Variants in RNF144A observed in about 807,000 individuals in gnomAD.
RNF144A encodes E3 ubiquitin-protein ligase RNF144A.
Under a neutral mutation model 38.7 loss-of-function variants are expected in RNF144A, and 11 were observed. That is an observed-to-expected ratio of 0.28 (90% CI 0.18 to 0.47). The LOEUF is 0.47. RNF144A is among the 20% of genes least tolerant of loss of function. RNF144A has a pLI of 0.99. For synonymous variants in RNF144A, 149 were observed against 143.9 expected (o/e 1.04, Z -0.25); for missense variants, 316 against 377.2 (o/e 0.84, Z 1.34).
intron 2 of RNF144A, among the ~76,000 whole-genome samples, chr2:6,989,077 T>C (rs533864121): frequency 5.3e-5 from 8 of 152,338 alleles, no homozygotes; most frequent in African/African-American, 1.9e-4. Flanking sequence ...AACATTGTGT[T>C]AGAATCAAGA....
At chr2:7,074,123 G>C in the RNF144A span, among the ~76,000 whole-genome samples, 1 of 152,218 alleles carries the variant, frequency 6.6e-6, no homozygotes, top group Non-Finnish European at 1.5e-5. Context: ...GAGGACACAT[G>C]AAACACATTA....
chr2:7,065,265 G>C (rs1182460860), intron 6 of RNF144A, among the ~76,000 whole-genome samples: 8 of 152,162 alleles, frequency 5.3e-5, no homozygotes, highest in Non-Finnish European at 7.3e-5. Flanking sequence ...CCAAATTCCT[G>C]GAGAAAAACT....
At chr2:7,004,162 C>T (rs1166664930) in intron 3 of RNF144A, among the ~76,000 whole-genome samples, 1 of 152,256 alleles carries the variant, frequency 6.6e-6, no homozygotes. Flanking sequence ...CTTCCTGCGG[C>T]CTGTGTGGAC....
At chr2:7,052,402 G>A (rs1446253508) in intron 6 of RNF144A, among the ~76,000 whole-genome samples, 1 of 152,140 alleles carries the variant, frequency 6.6e-6, no homozygotes, top group African/African-American at 2.4e-5. Context: ...CTAAGTCTCA[G>A]TTAAGTTCAC....
chr2:6,924,305 G>T (rs1664726482), intron 1 of RNF144A, among the ~76,000 whole-genome samples: 1 of 152,260 alleles, frequency 6.6e-6, no homozygotes, highest in Admixed American at 6.5e-5. Context: ...GTTGCTGGGG[G>T]GCCCGAGGCA....
chr2:6,952,068 C>T (rs1666716437), intron 2 of RNF144A, among the ~76,000 whole-genome samples: 1 of 152,184 alleles, frequency 6.6e-6, no homozygotes, highest in South Asian at 2.1e-4. Context: ...AGGAAATTAC[C>T]TTGTGTTTCT....
At chr2:6,988,838 G>T (rs923687879) in intron 2 of RNF144A, among the ~76,000 whole-genome samples, 1 of 152,190 alleles carries the variant, frequency 6.6e-6, no homozygotes, top group African/African-American at 2.4e-5. Flanking sequence ...CATGAGAGAT[G>T]TGTCTTTTCC....
intron 2 of RNF144A, among the ~76,000 whole-genome samples, chr2:6,952,011 A>G (rs972977585): frequency 1.3e-5 from 2 of 152,170 alleles, no homozygotes; most frequent in African/African-American, 2.4e-5. Flanking sequence ...TTCTAATTTA[A>G]TTAAAAATAC....
At chr2:7,056,760 C>T (rs372910140) in intron 6 of RNF144A, among the ~76,000 whole-genome samples, 1 of 152,224 alleles carries the variant, frequency 6.6e-6, no homozygotes, top group Non-Finnish European at 1.5e-5. Flanking sequence ...GGTCTCCCCC[C>T]CAGTTGTGGC....
At chr2:6,992,359 A>G (rs933262898) in intron 2 of RNF144A, among the ~76,000 whole-genome samples, 8 of 152,210 alleles carry the variant, frequency 5.3e-5, no homozygotes, top group African/African-American at 1.7e-4. Context: ...TGGTGTTTAG[A>G]GAGCGCTGCT....
At position 6,955,425 on chromosome 2, in the gene RNF144A, A is replaced by G. The variant is rs186014712; in HGVS notation, c.-12+14278A>G. ...TACATTTAAGGCCTTCATATTACAG[A>G]GGAGGGATCAGAGACCCGTGGGGAT... On this transcript the variant is annotated intron_variant, in intron 2 of 8. Coordinates refer to ENST00000320892, the MANE Select transcript of RNF144A (RefSeq NM_014746.6). Among the ~76,000 whole-genome samples, 173 of 152,274 alleles carry G rather than the reference A, an allele frequency of 1.1e-3. No individual in the cohort carries two copies. The East Asian group carries it at 0.018, about 16-fold the overall frequency.
rs376451749 is a variant in RNF144A, at chr2:7,060,263, G to GT, written c.735-7942dup. ...TTGAAATAAGACATGATCCTGTTTTGTTTTTTTTTTTCTTCCTAATCTAAG... is the reference window on the plus strand; with the variant it reads ...TTGAAATAAGACATGATCCTGTTTTGTTTTTTTTTTTTCTTCCTAATCTAAG... On this transcript the variant is annotated intron_variant, in intron 6 of 6. Coordinates refer to the RNF144A transcript ENST00000432850. 2.5e-3 allele frequency among the ~76,000 whole-genome samples: 358 copies of GT among 145,428 alleles called. 2 individuals are homozygous for GT. The highest frequency in any genetic ancestry group is 0.013 in the South Asian group (60 of 4,590).
intron 2 of RNF144A, among the ~76,000 whole-genome samples, chr2:6,973,855 C>T (rs1160441684): frequency 6.6e-6 from 1 of 152,230 alleles, no homozygotes; most frequent in East Asian, 1.9e-4. Flanking sequence ...CTGCTTCGTG[C>T]TCCAGCATCA....
chr2:6,995,766 A>C (rs772809775), intron 2 of RNF144A, among the ~76,000 whole-genome samples: 1 of 152,224 alleles, frequency 6.6e-6, no homozygotes. Context: ...GGCCTCTCCC[A>C]GTCCACTGAC....
rs1346036235 is a variant in RNF144A at position 6,962,753 on chromosome 2, A to C, written c.-12+21606A>C. On this transcript the variant is annotated intron_variant, in intron 2 of 8. Coordinates refer to ENST00000320892, the MANE Select transcript of RNF144A (RefSeq NM_014746.6). This position sits in a 1 kb window ranked among gnomAD's most constrained non-coding sequence, Gnocchi z 4.1. The stretch of plus-strand genomic sequence containing the variant: ...GTCTTATTTTATTCATCACAGCATA[A>C]ACTTCCAGAGGCAGGGCAATACCTT... 6.6e-6 allele frequency among the ~76,000 whole-genome samples: 1 copy of C among 152,204 alleles called. No homozygotes were observed. Among genetic ancestry groups the C allele is most frequent in the African/African-American group, 2.4e-5 (1 of 41,460 alleles).
intron 1 of RNF144A, among the ~76,000 whole-genome samples, chr2:6,937,180 T>C (rs757942203): frequency 2.0e-5 from 3 of 152,206 alleles, no homozygotes; most frequent in Non-Finnish European, 2.9e-5. Context: ...CAATTCTTGA[T>C]ACCTGGGTAC....
chr2:7,056,975 G>A (rs553984257), intron 6 of RNF144A, among the ~76,000 whole-genome samples: 2 of 152,182 alleles, frequency 1.3e-5, no homozygotes, highest in Non-Finnish European at 2.9e-5. Flanking sequence ...ATCTGCTGAG[G>A]ACCCTGACGT....
rs77967933 is a variant in RNF144A at position 7,040,586 on chromosome 2, C to T, written c.*826C>T. On this transcript the variant is annotated 3_prime_UTR_variant, in exon 9 of 9. Coordinates refer to ENST00000320892, the MANE Select transcript of RNF144A (RefSeq NM_014746.6). ...CTCATGGGCCTCATCCCTTCTCTCC[C>T]AGGTAGCAGAAAACGCTTTTTATTG... 0.051 allele frequency: 49,821 copies of T among 985,406 alleles called. 1,390 individuals are homozygous for T. Among genetic ancestry groups the T allele is most frequent in the Middle Eastern group, 0.06 (115 of 1,912 alleles). 61.0% of individuals were successfully genotyped at this position (985,406 alleles called of 1,614,324 possible). A position where few individuals can be genotyped will look rare whatever the true frequency, so the allele number is the denominator to read the frequency against.
intron 2 of RNF144A, among the ~76,000 whole-genome samples, chr2:6,949,977 AGAAAAT>A (rs1356629357): frequency 2.1e-4 from 32 of 152,170 alleles, no homozygotes; most frequent in African/African-American, 7.2e-4. Flanking sequence ...TTACCCCTCT[AGAAAAT>A]TTAGGAGGCA....
Sources: gnomAD v4.1 joint callset for allele counts (sites outside exome capture counted in the v4.1 genomes callset) on GRCh38, gnomAD v4.1.1 for gene constraint, Gnocchi (gnomAD v3.1) non-coding constraint, MANE v1.5 for transcripts, NCBI Gene and HGNC (gene_info 2026-07-23, HGNC 2026-07-21) for gene names.